KIRREL3: variants seen among roughly 807,000 people sequenced by gnomAD.
KIRREL3 encodes the protein kirre like nephrin family adhesion molecule 3.
A neutral mutation model predicts 89.7 loss-of-function variants in KIRREL3; 36 were observed. The observed-to-expected ratio is 0.40, with a 90% CI of 0.31 to 0.53. The LOEUF (loss-of-function observed/expected upper bound fraction) is 0.53. Among genes scored for constraint, KIRREL3 ranks in the 20% least tolerant of loss-of-function variants. The probability of loss-of-function intolerance (pLI) is 0.49; values close to 1 mark genes in which losing one functional copy is unlikely to be tolerated. For synonymous variants in KIRREL3, 445 were observed against 441.4 expected, an observed-to-expected ratio of 1.01 and a Z score of -0.10; for missense variants, 864 against 1,056.6, an observed-to-expected ratio of 0.82 and a Z score of 2.53.
At position 126,768,300 on chromosome 11, in the gene KIRREL3, A is replaced by G. The variant is rs1949910817; in HGVS notation, c.56-205388T>C. 6.6e-6 allele frequency among the ~76,000 whole-genome samples: 1 copy of G among 151,748 alleles called. No individual in the cohort carries two copies. Among genetic ancestry groups the G allele is most frequent in the Admixed American group, 6.6e-5 (1 of 15,254 alleles). On this transcript the variant is annotated intron_variant, in intron 1 of 16. Coordinates refer to ENST00000525144, the MANE Select transcript of KIRREL3 (RefSeq NM_032531.4). This position sits in a 1 kb window ranked among gnomAD's most constrained non-coding sequence, Gnocchi z 4.5. ...CATTCATCCATCCATCCATCCATCC[A>G]TCCAATCTGTCCATCTGTCCATCCA... is the stretch of plus-strand genomic sequence containing the variant.
chr11:126,736,180 G>T lies in KIRREL3; in HGVS notation c.56-173268C>A, dbSNP rs1048373407. ...GAGGGATTGTCTAGAGAGAACAGATGGTCTGGTTTACTTTCAATTGTAGTC... is the reference window on the plus strand; with the variant it reads ...GAGGGATTGTCTAGAGAGAACAGATTGTCTGGTTTACTTTCAATTGTAGTC... On this transcript the variant is annotated intron_variant, in intron 1 of 16. Coordinates refer to ENST00000525144, the MANE Select transcript of KIRREL3 (RefSeq NM_032531.4). This position sits in a 1 kb window ranked among gnomAD's most constrained non-coding sequence, Gnocchi z 5.0. Among the ~76,000 whole-genome samples, 2 of 152,146 alleles carry T rather than the reference G, an allele frequency of 1.3e-5. No homozygotes were observed. Among genetic ancestry groups the T allele is most frequent in the African/African-American group, 4.8e-5 (2 of 41,432 alleles).
At chr11:126,536,409 C>T (rs187477054) in intron 2 of KIRREL3, among the ~76,000 whole-genome samples, 1 of 152,250 alleles carries the variant, frequency 6.6e-6, no homozygotes, top group East Asian at 1.9e-4. Flanking sequence ...GGGATGCATT[C>T]TGGAACTCCA....
intron 1 of KIRREL3, among the ~76,000 whole-genome samples, chr11:126,794,990 G>A (rs913935574): frequency 2.0e-5 from 3 of 152,212 alleles, no homozygotes; most frequent in Non-Finnish European, 2.9e-5. Context: ...AAGTCAGTCT[G>A]AAAAGGCTAA....
In KIRREL3 at chr11:126,594,255, A is replaced by C. The variant is rs569471571; in HGVS notation, c.56-31343T>G. ...CTGGTGAAAACTAACAGTAAGGTGA[A>C]GGGTAGGGCTGGGGGCTGGGTCGGA... On this transcript the variant is annotated intron_variant, in intron 1 of 16. Coordinates refer to ENST00000525144, the MANE Select transcript of KIRREL3 (RefSeq NM_032531.4). The surrounding 1 kb of genome is among the most constrained non-coding windows in gnomAD (Gnocchi z 5.0). 6.6e-6 allele frequency among the ~76,000 whole-genome samples: 1 copy of C among 152,196 alleles called. No individual in the cohort carries two copies. The highest frequency in any genetic ancestry group is 1.5e-5 in the Non-Finnish European group (1 of 67,998).
chr11:126,832,688 G>T (rs1052579363), intron 1 of KIRREL3, among the ~76,000 whole-genome samples: 5 of 152,206 alleles, frequency 3.3e-5, no homozygotes, highest in African/African-American at 1.2e-4. Flanking sequence ...AATGGCCTTG[G>T]ACTTGCACGC....
At chr11:126,952,673 T>A (rs994413094) in intron 1 of KIRREL3, among the ~76,000 whole-genome samples, 1 of 152,230 alleles carries the variant, frequency 6.6e-6, no homozygotes, top group African/African-American at 2.4e-5. Context: ...TGGTATTGCC[T>A]AGGTTTTCTT....
At chr11:126,737,665 A>AG (rs1437512974) in intron 1 of KIRREL3, among the ~76,000 whole-genome samples, 1 of 152,130 alleles carries the variant, frequency 6.6e-6, no homozygotes. Flanking sequence ...TCTCCAGTAG[A>AG]GGGGGGCATT....
intron 1 of KIRREL3, among the ~76,000 whole-genome samples, chr11:126,702,826 C>T (rs1947362764): frequency 6.6e-6 from 1 of 152,070 alleles, no homozygotes; most frequent in Non-Finnish European, 1.5e-5. Flanking sequence ...CCTGTGGTCC[C>T]CTGAAGAAAG....
rs569461554 is a variant in KIRREL3, at chr11:126,513,337, AGT to A, written c.433+7976_433+7977del. On this transcript the variant is annotated intron_variant, in intron 4 of 16. Transcript: ENST00000525144. This position sits in a 1 kb window ranked among gnomAD's most constrained non-coding sequence, Gnocchi z 5.9. ...GTGGCGAGTGGGCACTTGGATAGGCAGTGTCGAGCTTCTGGGCCCCTCCAGAA... is the reference window on the plus strand; with the variant it reads ...GTGGCGAGTGGGCACTTGGATAGGCAGTCGAGCTTCTGGGCCCCTCCAGAA... Among the ~76,000 whole-genome samples, 16 of 152,170 alleles carry A rather than the reference AGT, an allele frequency of 1.1e-4. 1 individual carries two copies. The South Asian group carries it at 3.3e-3, about 32-fold the overall frequency.
chr11:126,874,103 C>T (rs1056881184), intron 1 of KIRREL3, among the ~76,000 whole-genome samples: 10 of 152,230 alleles, frequency 6.6e-5, no homozygotes, highest in African/African-American at 1.7e-4. Context: ...TTAAATGAAA[C>T]CTTCTGGCCT....
In KIRREL3 at chr11:126,541,395, C is replaced by T. The variant is rs12280345; in HGVS notation, c.134-14708G>A. Among the ~76,000 whole-genome samples the T allele has an allele frequency of 0.054, 8,200 of 151,926 alleles. 645 individuals carry two copies. Among genetic ancestry groups the T allele is most frequent in the African/African-American group, 0.18 (7,334 of 41,364 alleles). On this transcript the variant is annotated intron_variant, in intron 2 of 16. Transcript: ENST00000525144. The surrounding 1 kb of genome is among the most constrained non-coding windows in gnomAD (Gnocchi z 4.8). ...TTCTAACTTATCCAAAATCCTATTT[C>T]GGGGGTGGGGGGTGGTCCTAAGGTT... is the stretch of plus-strand genomic sequence containing the variant.
chr11:126,962,112 C>T (rs1329541612), intron 1 of KIRREL3, among the ~76,000 whole-genome samples: 1 of 152,198 alleles, frequency 6.6e-6, no homozygotes, highest in Non-Finnish European at 1.5e-5. Flanking sequence ...GCTAACACAA[C>T]ACCCATTCTG....
Position 126,734,971 on chromosome 11 carries a change from G to A in KIRREL3, c.56-172059C>T, listed in dbSNP as rs1307702352. ...CTCCGACCAAGGGCAGGGTCAATGT[G>A]CACTGCCTGCAGCAAGCATAGCAGT... On this transcript the variant is annotated intron_variant, in intron 1 of 16. Coordinates refer to ENST00000525144, the MANE Select transcript of KIRREL3 (RefSeq NM_032531.4). This position sits in a 1 kb window ranked among gnomAD's most constrained non-coding sequence, Gnocchi z 5.9. Among the ~76,000 whole-genome samples, 1 of 152,210 alleles carries A rather than the reference G, an allele frequency of 6.6e-6. No homozygotes were observed. Among genetic ancestry groups the A allele is most frequent in the East Asian group, 1.9e-4 (1 of 5,194 alleles).
At chr11:126,874,249 C>T (rs1390244087) in intron 1 of KIRREL3, among the ~76,000 whole-genome samples, 5 of 152,334 alleles carry the variant, frequency 3.3e-5, no homozygotes, top group South Asian at 2.1e-4. Context: ...TCATGGTTTA[C>T]AGTAGAGTCA....
At chr11:126,936,889 G>C (rs1269952783) in intron 1 of KIRREL3, 1 of 152,184 alleles carries the variant, frequency 6.6e-6, no homozygotes, top group Non-Finnish European at 1.5e-5. Context: ...AGTTAAAACA[G>C]TAAATGTGAT....
Position 126,440,907 on chromosome 11 carries a change from G to A in KIRREL3, c.1253-358C>T, listed in dbSNP as rs543483209. ...GGCGGACGGGGAAAGCTTTAGGGAG[G>A]AGGTGGTAAGCCTGCAGAGGGGGTG... On this transcript the variant is annotated intron_variant, in intron 10 of 16. Transcript: ENST00000525144. 221 of 323,870 alleles carry A rather than the reference G, an allele frequency of 6.8e-4. 3 individuals carry two copies. The highest frequency in any genetic ancestry group is 3.2e-3 in the Middle Eastern group (3 of 946). The allele number at this position is 323,870 out of a possible 1,614,324, so 20.1% of individuals were successfully genotyped here. A position where few individuals can be genotyped will look rare whatever the true frequency, so the allele number is the denominator to read the frequency against.
At chr11:126,799,692 G>A (rs917727939) in intron 1 of KIRREL3, among the ~76,000 whole-genome samples, 3 of 152,054 alleles carry the variant, frequency 2.0e-5, no homozygotes, top group African/African-American at 7.2e-5. Flanking sequence ...AGGAGGAGCC[G>A]GGAGAACCAG....
Position 126,978,719 on chromosome 11 carries a change from G to A in KIRREL3, c.55+21736C>T, listed in dbSNP as rs779553518. Among the ~76,000 whole-genome samples, 1 of 152,124 alleles carries A rather than the reference G, an allele frequency of 6.6e-6. No homozygotes were observed. Among genetic ancestry groups the A allele is most frequent in the Non-Finnish European group, 1.5e-5 (1 of 68,008 alleles). On this transcript the variant is annotated intron_variant, in intron 1 of 16. Coordinates refer to ENST00000525144, the MANE Select transcript of KIRREL3 (RefSeq NM_032531.4). This position sits in a 1 kb window ranked among gnomAD's most constrained non-coding sequence, Gnocchi z 4.2. ...AATGTCCACTCTGCCCTGGAGCTTT[G>A]CTTCATGGTGGGAGTTTCTCTGAGC...
At position 126,477,464 on chromosome 11, in the gene KIRREL3, G is replaced by C. The variant is rs1304396133; in HGVS notation, c.434-3998C>G. Among the ~76,000 whole-genome samples, 4 of 152,332 alleles carry C rather than the reference G, an allele frequency of 2.6e-5. No individual in the cohort carries two copies. The highest frequency in any genetic ancestry group is 2.1e-4 in the South Asian group (1 of 4,828). On this transcript the variant is annotated intron_variant, in intron 4 of 16. Transcript: ENST00000525144. This position sits in a 1 kb window ranked among gnomAD's most constrained non-coding sequence, Gnocchi z 4.8. Reference sequence around the variant, plus strand: ...CATGGGGAGAGGGAAATTGAGGCCAGAGAGCACAAGAGGCTGACCCAAAGT... The same window carrying C: ...CATGGGGAGAGGGAAATTGAGGCCACAGAGCACAAGAGGCTGACCCAAAGT...
Sources: allele counts gnomAD v4.1 joint callset (sites outside exome capture counted in the v4.1 genomes callset), GRCh38; gene constraint gnomAD v4.1.1; non-coding constraint Gnocchi (gnomAD v3.1); transcripts MANE v1.5; gene names NCBI Gene and HGNC (gene_info 2026-07-23, HGNC 2026-07-21).